TTLL3: variants seen among roughly 807,000 people sequenced by gnomAD.
TTLL3 encodes the protein tubulin tyrosine ligase like 3.
TTLL3 carries 63 observed loss-of-function variants against 75.2 expected under a neutral mutation model. The observed-to-expected ratio is 0.84, with a 90% confidence interval of 0.68 to 1.03. The LOEUF is 1.03. TTLL3 is among the 50% of genes least tolerant of loss of function. TTLL3 has a pLI of 0.00. For missense variants in TTLL3, 997 were observed against 1,069.9 expected (o/e 0.93, Z 0.95); for synonymous variants, 393 against 418.5 (o/e 0.94, Z 0.74).
chr3:9,833,760 G>C (rs1286836764), intron 12 of TTLL3, among the ~76,000 whole-genome samples: 1 of 152,126 alleles, frequency 6.6e-6, no homozygotes, highest in Non-Finnish European at 1.5e-5. Flanking sequence ...AGGATCGCTT[G>C]AGCCCGGGAG....
chr3:9,820,239 A>G lies in TTLL3; in HGVS notation c.659-307A>G, dbSNP rs1219479201. ...AGACTCCCAGGTGCATTTTAGGCAG[A>G]GCCTCAGGTGTGTTAGAGGTCCCAG... is the stretch of plus-strand genomic sequence containing the variant. On this transcript the variant is annotated intron_variant, in intron 7 of 13. Transcript: ENST00000685419. 1.3e-5 allele frequency: 15 copies of G among 1,139,026 alleles called. 1 individual carries two copies. The highest frequency in any genetic ancestry group is 3.2e-5 in the South Asian group (1 of 31,340). The allele number at this position is 1,139,026 out of a possible 1,614,324, so 70.6% of individuals were successfully genotyped here.
chr3:9,809,739 C>T (rs376399359), upstream of TTLL3: 2 of 334,072 alleles, frequency 6.0e-6, no homozygotes, highest in Non-Finnish European at 1.1e-5. Flanking sequence ...CTTCCGCCTT[C>T]AGTGCCCTGC....
At chr3:9,824,737 C>CTTTTCTTTTTTTTTTT (rs1471963784) in intron 8 of TTLL3, among the ~76,000 whole-genome samples, 1 of 80,678 alleles carries the variant, frequency 1.2e-5, no homozygotes, top group East Asian at 3.8e-4. Context: ...CTTTTCTTTT[C>CTTTTCTTTTTTTTTTT]TTTTTTTTTT....
intron 8 of TTLL3, 141 bp from the exon 9 acceptor site, chr3:9,825,659 G>C: frequency 4.0e-6 from 6 of 1,484,560 alleles, no homozygotes; most frequent in Non-Finnish European, 5.5e-6. Context: ...AGGCTTGGGA[G>C]GGACCTATGG....
chr3:9,817,893 C>T (rs969985530), intron 6 of TTLL3, 134 bp downstream of exon 6: 16 of 1,184,966 alleles, frequency 1.4e-5, no homozygotes, highest in Non-Finnish European at 1.8e-5. Flanking sequence ...CCTTTCCACC[C>T]TCAATCCTTA....
At chr3:9,811,150 A>G (rs529532661) in intron 2 of TTLL3, among the ~76,000 whole-genome samples, 2 of 151,948 alleles carry the variant, frequency 1.3e-5, no homozygotes, top group East Asian at 3.9e-4. Flanking sequence ...CCCCTTCCCC[A>G]GGTCTGTCTC....
intron 8 of TTLL3, among the ~76,000 whole-genome samples, chr3:9,823,029 A>G (rs2080631163): frequency 6.6e-6 from 1 of 150,796 alleles, no homozygotes; most frequent in Non-Finnish European, 1.5e-5. Flanking sequence ...GCGGATCATG[A>G]AGTCAGGAGT....
chr3:9,834,925 A>T lies in TTLL3; in HGVS notation c.2052+18A>T, dbSNP rs1459860461. 25 of 1,614,004 alleles carry T rather than the reference A, an allele frequency of 1.5e-5. No individual in the cohort carries two copies. Among genetic ancestry groups the T allele is most frequent in the Non-Finnish European group, 1.9e-5 (22 of 1,180,014 alleles). On this transcript the variant is annotated intron_variant, in intron 13 of 13. Coordinates refer to ENST00000685419, the MANE Select transcript of TTLL3 (RefSeq NM_001387446.1). ...CAAGAAAGGTGGGCCTCGACCTGTG[A>T]CTCACACCCAGTGGACAGTGCTGAG...
At chr3:9,832,166 A>G (rs2081614041) in intron 11 of TTLL3, among the ~76,000 whole-genome samples, 1 of 137,676 alleles carries the variant, frequency 7.3e-6, no homozygotes, top group Admixed American at 7.8e-5. Flanking sequence ...GCTCACTGCA[A>G]CTTCTGTCTC....
rs2081727450 is a variant in TTLL3, at chr3:9,833,106, T to A, written c.1686T>A (p.Pro562=). Residue 562 remains proline (P), a splice_region_variant and synonymous_variant, in exon 12 of 14, where the codon CCT becomes CCA. Transcript: ENST00000685419. ...TTGTCTCCTCTTCTTGCCCACAGCC[T>A]GCTGTGGAGGTGCCTCAATATGTGG... is the stretch of plus-strand genomic sequence containing the variant. The part of the protein sequence containing the change: ...TGAFELIYKQ[P]AVEVPQYVGI... 6.2e-7 allele frequency: 1 copy of A among 1,613,990 alleles called. No homozygotes were observed. Among genetic ancestry groups the A allele is most frequent in the Admixed American group, 1.7e-5 (1 of 59,996 alleles).
At chr3:9,820,807 C>G (rs1405734305) in intron 8 of TTLL3, 66 bp downstream of exon 8, 2 of 1,577,922 alleles carry the variant, frequency 1.3e-6, no homozygotes, top group Non-Finnish European at 1.7e-6. Flanking sequence ...CTTTCTGTCT[C>G]GTGCAGCCCC....
rs201406169 is a variant in TTLL3 at position 9,833,178 on chromosome 3, G to A, written c.1758G>A (p.Ala586=). The change falls in exon 12 of 14, where the codon GCG becomes GCA. Residue 586 remains alanine, a synonymous_variant. Coordinates refer to ENST00000685419, the MANE Select transcript of TTLL3 (RefSeq NM_001387446.1). Reference sequence around the variant, plus strand: ...GCTTCACCATCAAGAAGCCCATGGCGATGTGTCATCGGCGGATGGGGGTCC... The same window carrying A: ...GCTTCACCATCAAGAAGCCCATGGCAATGTGTCATCGGCGGATGGGGGTCC... ...VEGFTIKKPM[A]MCHRRMGVRP... The A allele has an allele frequency of 1.5e-5, 25 of 1,614,032 alleles. No homozygotes were observed. The Admixed American group carries it at 2.2e-4, about 14-fold the overall frequency.
chr3:9,810,108 C>T, upstream of TTLL3: 1 of 1,455,728 alleles, frequency 6.9e-7, no homozygotes, highest in Middle Eastern at 2.3e-4. The surrounding 1 kb of genome is among the most constrained non-coding windows in gnomAD (Gnocchi z 4.4). Context: ...GCGCGGTGTG[C>T]AACTGGCTGC....
chr3:9,827,170 AC>A lies in TTLL3; in HGVS notation c.1179del (p.Val394CysfsTer18). 1.2e-6 allele frequency: 2 copies of A among 1,614,210 alleles called. No homozygotes were observed. The highest frequency in any genetic ancestry group is 8.5e-7 in the Non-Finnish European group (1 of 1,180,040). ...WFLVTDWNPL[T>X]VWFYRDSYIR... The stretch of plus-strand genomic sequence containing the variant: ...CCTGGTAACTGACTGGAACCCACTT[AC>A]CGTGTGGTTCTACCGCGACAGCTAT... On this transcript the variant is annotated frameshift_variant, in exon 10 of 14. Coordinates refer to ENST00000685419, the MANE Select transcript of TTLL3 (RefSeq NM_001387446.1). LOFTEE classifies it high-confidence loss of function.
chr3:9,835,379 C>A lies in TTLL3; in HGVS notation c.2338C>A (p.Pro780Thr). The change falls in exon 14 of 14, where the codon CCA (proline) becomes ACA (threonine). Residue 780 changes from proline (P) to threonine (T), a missense_variant. Transcript: ENST00000685419. ...CACTGCCCTTGTCCTGGATCCAACA[C>A]CAAATAAAAAGAAACAAGTGAAGTA... ...FPTALVLDPT[P>T]NKKKQVKYLG... 1 of 1,614,054 alleles carries A rather than the reference C, an allele frequency of 6.2e-7. No individual in the cohort carries two copies. Among genetic ancestry groups the A allele is most frequent in the Non-Finnish European group, 8.5e-7 (1 of 1,180,040 alleles).
upstream of TTLL3, chr3:9,810,148 A>C (rs557922239): frequency 6.8e-7 from 1 of 1,475,026 alleles, no homozygotes; most frequent in Non-Finnish European, 8.9e-7. This position sits in a 1 kb window ranked among gnomAD's most constrained non-coding sequence, Gnocchi z 4.4. Context: ...GCCACGCACC[A>C]GTTTCCCCTC....
intron 12 of TTLL3, 67 bp from the exon 13 acceptor site, chr3:9,834,614 C>T: frequency 1.3e-6 from 2 of 1,599,466 alleles, no homozygotes; most frequent in Non-Finnish European, 8.5e-7. Flanking sequence ...TCCACACGTA[C>T]CTGTTAGGGC....
At position 9,826,962 on chromosome 3, in the gene TTLL3, A is replaced by G. The variant is rs1289086723; in HGVS notation, c.1004-35A>G. 1.9e-6 allele frequency: 3 copies of G among 1,613,284 alleles called. No individual in the cohort carries two copies. The East Asian group carries it at 6.7e-5, about 36-fold the overall frequency. On this transcript the variant is annotated intron_variant, in intron 9 of 13. Coordinates refer to ENST00000685419, the MANE Select transcript of TTLL3 (RefSeq NM_001387446.1). ...TGGCCCTTCTCCTGGCCCACGCCTG[A>G]CCTTCCAATCCCTGACTGCCCTCTT...
At chr3:9,814,086 G>A (rs1253976983) in intron 4 of TTLL3, among the ~76,000 whole-genome samples, 1 of 152,012 alleles carries the variant, frequency 6.6e-6, no homozygotes, top group Non-Finnish European at 1.5e-5. Context: ...GATTCCTTGA[G>A]GTCAGGAGTT....
Sources: allele counts gnomAD v4.1 joint callset (sites outside exome capture counted in the v4.1 genomes callset), GRCh38; gene constraint gnomAD v4.1.1; non-coding constraint Gnocchi (gnomAD v3.1); transcripts MANE v1.5; gene names NCBI Gene and HGNC (gene_info 2026-07-23, HGNC 2026-07-21).